SYNPR: variants seen among roughly 807,000 people sequenced by gnomAD.
SYNPR encodes synaptoporin.
In SYNPR, 23 loss-of-function variants were observed where a neutral mutation model predicts 32.9. That is an observed-to-expected ratio of 0.70 (90% CI 0.50 to 0.99). The LOEUF (loss-of-function observed/expected upper bound fraction) is 0.99. SYNPR is among the 50% of genes least tolerant of loss of function. SYNPR has a pLI of 0.00. For synonymous variants in SYNPR, 146 were observed against 135.9 expected (o/e 1.07, Z -0.52); for missense variants, 318 against 349.3 (o/e 0.91, Z 0.71).
chr3:63,246,973 C>T (rs185441321), intron 1 of SYNPR, among the ~76,000 whole-genome samples: 1 of 152,068 alleles, frequency 6.6e-6, no homozygotes, highest in East Asian at 1.9e-4. Context: ...GGGCTTCATA[C>T]TTGGGTGATG....
At chr3:63,247,006 C>A (rs926639205) in intron 1 of SYNPR, among the ~76,000 whole-genome samples, 1 of 151,928 alleles carries the variant, frequency 6.6e-6, no homozygotes, top group Non-Finnish European at 1.5e-5. Flanking sequence ...CAGCAAATCA[C>A]CATGGCACAT....
chr3:63,388,193 G>T (rs1370769091), intron 2 of SYNPR, among the ~76,000 whole-genome samples: 2 of 152,010 alleles, frequency 1.3e-5, no homozygotes, highest in African/African-American at 4.8e-5. Context: ...CAACTAAGGT[G>T]ACTCCTGAAG....
chr3:63,257,281 TTGAAA>T (rs1168438854), intron 2 of SYNPR, among the ~76,000 whole-genome samples: 12 of 151,996 alleles, frequency 7.9e-5, no homozygotes, highest in African/African-American at 2.9e-4. Context: ...TTCACCAAAG[TTGAAA>T]TGAAGGAAAA....
At chr3:63,349,638 G>C (rs924037223) in intron 2 of SYNPR, among the ~76,000 whole-genome samples, 2 of 152,170 alleles carry the variant, frequency 1.3e-5, no homozygotes, top group South Asian at 4.1e-4. Context: ...AAATGCCACT[G>C]ATTTTGTGTA....
chr3:63,457,925 T>C (rs2106647718), intron 2 of SYNPR, among the ~76,000 whole-genome samples: 1 of 152,292 alleles, frequency 6.6e-6, no homozygotes, highest in African/African-American at 2.4e-5. Context: ...TGATTTACTC[T>C]TTTTGCCTTT....
Position 63,286,216 on chromosome 3 carries a change from C to T in SYNPR, c.84+7474C>T, listed in dbSNP as rs185764174. Among the ~76,000 whole-genome samples, 69 of 152,282 alleles carry T rather than the reference C, an allele frequency of 4.5e-4. 4 individuals are homozygous for T. The South Asian group carries it at 0.014, about 30-fold the overall frequency. ...AATATTCACATTTCAAAGAAAATTCCAGCAAGGCCAGTATTGAACCTAAAC... is the reference window on the plus strand; with the variant it reads ...AATATTCACATTTCAAAGAAAATTCTAGCAAGGCCAGTATTGAACCTAAAC... On this transcript the variant is annotated intron_variant, in intron 2 of 5. Transcript: ENST00000478300.
At chr3:63,249,405 G>A (rs764870503) in intron 1 of SYNPR, among the ~76,000 whole-genome samples, 1 of 152,080 alleles carries the variant, frequency 6.6e-6, no homozygotes, top group Non-Finnish European at 1.5e-5. Context: ...CTTACCCTTT[G>A]TCCCAGGAAT....
chr3:63,574,175 T>A (rs1261365296), intron 4 of SYNPR, among the ~76,000 whole-genome samples: 2 of 152,174 alleles, frequency 1.3e-5, no homozygotes, highest in African/African-American at 2.4e-5. Context: ...GCAAGTCCCT[T>A]TGAAGCTAGA....
At chr3:63,497,514 T>C (rs943630106) in intron 3 of SYNPR, among the ~76,000 whole-genome samples, 1 of 151,914 alleles carries the variant, frequency 6.6e-6, no homozygotes, top group Admixed American at 6.6e-5. Flanking sequence ...GTAAATGCCA[T>C]GGATAATATG....
chr3:63,383,951 G>A (rs2088008898), intron 2 of SYNPR, among the ~76,000 whole-genome samples: 1 of 152,154 alleles, frequency 6.6e-6, no homozygotes, highest in Non-Finnish European at 1.5e-5. Flanking sequence ...TTAATATGGT[G>A]GAATATAGAT....
At chr3:63,539,436 AG>A (rs1247111427) in intron 3 of SYNPR, among the ~76,000 whole-genome samples, 2 of 152,142 alleles carry the variant, frequency 1.3e-5, no homozygotes, top group Non-Finnish European at 2.9e-5. Context: ...GACATATCAT[AG>A]AACTTCCTTC....
intron 4 of SYNPR, among the ~76,000 whole-genome samples, chr3:63,566,297 G>T (rs1702787758): frequency 6.6e-6 from 1 of 152,110 alleles, no homozygotes; most frequent in Admixed American, 6.5e-5. Flanking sequence ...ACTATTTAAA[G>T]AACAACTATC....
chr3:63,569,676 C>T (rs936610428), intron 4 of SYNPR, among the ~76,000 whole-genome samples: 2 of 152,246 alleles, frequency 1.3e-5, no homozygotes, highest in African/African-American at 2.4e-5. Context: ...AGCGTAGGCC[C>T]AGTGCTGGGC....
chr3:63,370,416 C>T (rs1418332535), intron 2 of SYNPR, among the ~76,000 whole-genome samples: 1 of 152,224 alleles, frequency 6.6e-6, no homozygotes, highest in Non-Finnish European at 1.5e-5. Context: ...TTTCAAAAAA[C>T]ACATTGACAA....
intron 4 of SYNPR, among the ~76,000 whole-genome samples, chr3:63,579,004 C>T (rs1045811677): frequency 6.6e-6 from 1 of 152,076 alleles, no homozygotes; most frequent in Non-Finnish European, 1.5e-5. Context: ...CCATTAAATC[C>T]ATCTTCTTAT....
intron 4 of SYNPR, among the ~76,000 whole-genome samples, chr3:63,595,130 T>C (rs1464080843): frequency 6.6e-6 from 1 of 152,198 alleles, no homozygotes; most frequent in African/African-American, 2.4e-5. Flanking sequence ...CCCTGAGTCC[T>C]TGGCTTATTA....
At chr3:63,286,241 C>A (rs1490540749) in intron 2 of SYNPR, among the ~76,000 whole-genome samples, 9 of 152,174 alleles carry the variant, frequency 5.9e-5, no homozygotes. Flanking sequence ...TGAACCTAAA[C>A]GAGAACGTCT....
chr3:63,275,804 C>T (rs910287781), upstream of SYNPR, among the ~76,000 whole-genome samples: 20 of 152,088 alleles, frequency 1.3e-4, no homozygotes, highest in Non-Finnish European at 2.5e-4. Flanking sequence ...ATAGGTATTA[C>T]AATAATAATT....
intron 3 of SYNPR, among the ~76,000 whole-genome samples, chr3:63,532,983 A>G (rs937774830): frequency 4.6e-5 from 7 of 152,108 alleles, no homozygotes; most frequent in African/African-American, 1.4e-4. Flanking sequence ...ATCTTCCCCA[A>G]TCCTTCCAGC....
Sources: allele counts gnomAD v4.1 joint callset (sites outside exome capture counted in the v4.1 genomes callset), GRCh38; gene constraint gnomAD v4.1.1; transcripts MANE v1.5; gene names NCBI Gene and HGNC (gene_info 2026-07-23, HGNC 2026-07-21).